AP3B1: variants seen among roughly 807,000 people sequenced by gnomAD.
AP3B1 encodes AP-3 complex subunit beta-1.
Under a neutral mutation model 132.5 loss-of-function variants are expected in AP3B1, and 61 were observed. That is an observed-to-expected ratio of 0.46 (90% CI 0.37 to 0.57). The LOEUF (loss-of-function observed/expected upper bound fraction) is 0.57. Among genes scored for constraint, AP3B1 ranks in the 20% least tolerant of loss-of-function variants. The pLI is 0.00. For missense variants in AP3B1, 1,120 were observed against 1,289.4 expected, an observed-to-expected ratio of 0.87 and a Z score of 2.01; for synonymous variants, 388 against 438.3, an observed-to-expected ratio of 0.89 and a Z score of 1.43.
chr5:78,173,884 T>C (rs1448672526), intron 11 of AP3B1, among the ~76,000 whole-genome samples: 1 of 152,190 alleles, frequency 6.6e-6, no homozygotes, highest in Non-Finnish European at 1.5e-5. Flanking sequence ...GTTCATTTCT[T>C]TTAAGTCTTT....
chr5:78,229,557 ATCC>A (rs1746542327), intron 3 of AP3B1, among the ~76,000 whole-genome samples: 1 of 139,058 alleles, frequency 7.2e-6, no homozygotes, highest in Non-Finnish European at 1.5e-5. Flanking sequence ...ACATGGTGAA[ATCC>A]CATTTCTAGT....
chr5:78,110,056 T>C (rs1210954038), intron 20 of AP3B1, 151 bp downstream of exon 20: 2 of 682,344 alleles, frequency 2.9e-6, no homozygotes, highest in Middle Eastern at 4.1e-4. Context: ...TGAGATTTTT[T>C]AAAGTTTCTA....
chr5:78,293,396 C>G (rs1749618506), intron 1 of AP3B1, among the ~76,000 whole-genome samples: 1 of 152,160 alleles, frequency 6.6e-6, no homozygotes, highest in South Asian at 2.1e-4. Context: ...TTAAACTTTT[C>G]TAACCTTGGG....
chr5:78,096,922 C>T (rs1485916956), intron 21 of AP3B1, among the ~76,000 whole-genome samples: 16 of 135,972 alleles, frequency 1.2e-4, no homozygotes, highest in African/African-American at 4.2e-4. Context: ...CCGCCCTGTC[C>T]GGGAGGTGAG....
At chr5:78,177,468 A>G (rs1243194515) in intron 8 of AP3B1, 32 bp from the exon 9 acceptor site, 3 of 1,498,746 alleles carry the variant, frequency 2.0e-6, no homozygotes, top group Middle Eastern at 1.7e-4. Context: ...TAACAGAACT[A>G]TGAACACTAG....
intron 13 of AP3B1, among the ~76,000 whole-genome samples, chr5:78,159,965 A>G (rs1442862557): frequency 6.6e-6 from 1 of 152,182 alleles, no homozygotes; most frequent in Non-Finnish European, 1.5e-5. Context: ...TATCATACTC[A>G]TTTTACAAAT....
At chr5:78,196,950 A>C (rs2112444437) in intron 7 of AP3B1, among the ~76,000 whole-genome samples, 1 of 152,358 alleles carries the variant, frequency 6.6e-6, no homozygotes, top group South Asian at 2.1e-4. Flanking sequence ...TGGTGTATTC[A>C]TGTTATCATA....
At chr5:78,006,639 G>A (rs576982160) in intron 26 of AP3B1, among the ~76,000 whole-genome samples, 1 of 152,102 alleles carries the variant, frequency 6.6e-6, no homozygotes, top group African/African-American at 2.4e-5. Flanking sequence ...AATCAACCTC[G>A]AAAAGCAGTA....
intron 19 of AP3B1, among the ~76,000 whole-genome samples, chr5:78,113,546 T>A (rs1472419466): frequency 6.6e-6 from 1 of 152,176 alleles, no homozygotes; most frequent in African/African-American, 2.4e-5. Flanking sequence ...AACCCCAAGA[T>A]ATGTTCAAGT....
At chr5:78,025,923 T>C (rs1414749502) in intron 24 of AP3B1, among the ~76,000 whole-genome samples, 1 of 152,242 alleles carries the variant, frequency 6.6e-6, no homozygotes, top group African/African-American at 2.4e-5. Flanking sequence ...TGGCTTATAA[T>C]AGAACTAAGA....
intron 21 of AP3B1, among the ~76,000 whole-genome samples, chr5:78,097,018 G>C (rs1236770796): frequency 7.7e-6 from 1 of 129,622 alleles, no homozygotes; most frequent in African/African-American, 3.4e-5. Flanking sequence ...AGGTGGGGGG[G>C]TCAGCCCCCC....
intron 22 of AP3B1, 81 bp downstream of exon 22, chr5:78,089,312 C>T: frequency 9.7e-7 from 1 of 1,033,850 alleles, no homozygotes; most frequent in South Asian, 1.4e-5. Context: ...TAAGAATCCA[C>T]TTCAAGTATT....
intron 7 of AP3B1, among the ~76,000 whole-genome samples, chr5:78,184,336 C>A (rs1015973943): frequency 2.0e-5 from 3 of 151,854 alleles, no homozygotes; most frequent in Non-Finnish European, 4.4e-5. Flanking sequence ...GAACACAGAA[C>A]AACAAGATTT....
At chr5:78,285,243 T>C (rs1467585063) in intron 1 of AP3B1, among the ~76,000 whole-genome samples, 1 of 141,836 alleles carries the variant, frequency 7.1e-6, no homozygotes, top group African/African-American at 2.5e-5. Context: ...AGCAAGACTC[T>C]GTCTCAAAAA....
intron 13 of AP3B1, among the ~76,000 whole-genome samples, chr5:78,160,083 G>A (rs182135904): frequency 5.7e-4 from 87 of 152,302 alleles, no homozygotes; most frequent in African/African-American, 1.8e-3. Flanking sequence ...AAGAGAGTAA[G>A]TGGTCACTAT....
intron 22 of AP3B1, among the ~76,000 whole-genome samples, chr5:78,052,244 C>T (rs1216539231): frequency 1.3e-5 from 2 of 152,038 alleles, no homozygotes; most frequent in African/African-American, 4.8e-5. Flanking sequence ...TTTCTCACCT[C>T]TTATTTTGGT....
rs1561469586 is a variant in AP3B1, at chr5:78,193,765, TATA to T, written c.787-12106_787-12104del. On this transcript the variant is annotated intron_variant, in intron 7 of 26. Coordinates refer to ENST00000255194, the MANE Select transcript of AP3B1 (RefSeq NM_003664.5). ...TTTTTTATATATATATATATATATATATATATTTTTTTTTTAGACAGAGTCTCG... is the reference window on the plus strand; with the variant it reads ...TTTTTTATATATATATATATATATATTATTTTTTTTTTAGACAGAGTCTCG... Among the ~76,000 whole-genome samples the T allele has an allele frequency of 4.6e-4, 58 of 126,780 alleles. 2 individuals carry two copies. Among genetic ancestry groups the T allele is most frequent in the African/African-American group, 1.6e-3 (53 of 33,046 alleles). The allele number at this position is 126,780 out of a possible 152,430, so 83.2% of individuals were successfully genotyped here.
chr5:78,252,386 G>A (rs537931395), intron 2 of AP3B1, among the ~76,000 whole-genome samples: 18 of 152,248 alleles, frequency 1.2e-4, no homozygotes, highest in African/African-American at 1.9e-4. Flanking sequence ...GGCTCTTAGC[G>A]TCTTCAATTC....
chr5:78,166,569 A>T (rs1743639102), intron 11 of AP3B1, among the ~76,000 whole-genome samples: 1 of 152,164 alleles, frequency 6.6e-6, no homozygotes, highest in African/African-American at 2.4e-5. Flanking sequence ...GTGAAAAAAA[A>T]TTTTTACTAA....
Sources: gnomAD v4.1 joint callset for allele counts (sites outside exome capture counted in the v4.1 genomes callset) on GRCh38, gnomAD v4.1.1 for gene constraint, MANE v1.5 for transcripts, NCBI Gene and HGNC (gene_info 2026-07-23, HGNC 2026-07-21) for gene names.